The following S100Z variants were observed in gnomAD, a reference collection of about 807,000 sequenced individuals.
S100Z encodes protein S100-Z.
S100Z carries 11 observed loss-of-function variants against 8.5 expected under a neutral mutation model. The observed-to-expected ratio is 1.30, with a 90% CI of 0.82 to 2.15. The LOEUF (loss-of-function observed/expected upper bound fraction) is 2.15, where lower values mean the gene tolerates loss of function less well. Ranked by LOEUF, S100Z falls within the 30% of genes most tolerant of loss-of-function variation. S100Z has a pLI of 0.00. For missense variants in S100Z, 126 were observed against 117.9 expected, an observed-to-expected ratio of 1.07 and a Z score of -0.32; for synonymous variants, 34 against 43.8, an observed-to-expected ratio of 0.78 and a Z score of 0.89.
chr5:76,903,429 A>G (rs905755889), intron 4 of S100Z, among the ~76,000 whole-genome samples: 1 of 152,138 alleles, frequency 6.6e-6, no homozygotes, highest in Non-Finnish European at 1.5e-5. Flanking sequence ...CTTTCACTGC[A>G]TGGATGTACC....
the S100Z span, among the ~76,000 whole-genome samples, chr5:76,943,483 C>A: frequency 6.6e-6 from 1 of 152,102 alleles, no homozygotes; most frequent in African/African-American, 2.4e-5. Flanking sequence ...GTTTTAAAAC[C>A]ACGGCAGGAC....
intron 4 of S100Z, among the ~76,000 whole-genome samples, chr5:76,917,908 AG>A (rs375264100): frequency 1.3e-5 from 2 of 151,608 alleles, no homozygotes; most frequent in African/African-American, 4.8e-5. Context: ...TCAAAGTGCC[AG>A]TTTCCTGTAG....
intron 4 of S100Z, among the ~76,000 whole-genome samples, chr5:76,903,765 G>A (rs1362374779): frequency 4.2e-5 from 6 of 143,046 alleles, no homozygotes; most frequent in Admixed American, 2.1e-4. Flanking sequence ...TCACTCTGTT[G>A]CCCAGGCTGG....
chr5:76,934,752 G>A, the S100Z span, among the ~76,000 whole-genome samples: 17 of 152,264 alleles, frequency 1.1e-4, no homozygotes, highest in Non-Finnish European at 1.9e-4. Context: ...TGAATCTGCT[G>A]GTGTCTTGAT....
At chr5:76,896,746 T>A (rs532437285) in intron 4 of S100Z, among the ~76,000 whole-genome samples, 1 of 152,356 alleles carries the variant, frequency 6.6e-6, no homozygotes, top group Non-Finnish European at 1.5e-5. Context: ...CGGGGTGAGA[T>A]AATATCTCAT....
intron 4 of S100Z, among the ~76,000 whole-genome samples, chr5:76,889,252 C>T (rs1743772422): frequency 2.0e-5 from 3 of 152,160 alleles, no homozygotes; most frequent in African/African-American, 7.2e-5. Context: ...CTCTCTGCTC[C>T]TTAAAACCAC....
chr5:76,933,800 A>G, the S100Z span, among the ~76,000 whole-genome samples: 2 of 152,218 alleles, frequency 1.3e-5, no homozygotes, highest in East Asian at 1.9e-4. Flanking sequence ...TATATTCACA[A>G]TGCTGTGGGA....
At chr5:76,914,473 T>G (rs1383824637) in intron 4 of S100Z, among the ~76,000 whole-genome samples, 2 of 151,726 alleles carry the variant, frequency 1.3e-5, no homozygotes, top group Non-Finnish European at 2.9e-5. Context: ...GAATAAAAGC[T>G]GGCCACCCAA....
intron 2 of S100Z, among the ~76,000 whole-genome samples, chr5:76,871,474 T>C (rs1193555205): frequency 1.3e-5 from 2 of 152,118 alleles, no homozygotes; most frequent in Non-Finnish European, 2.9e-5. Context: ...TTCAAGTCTT[T>C]AGACAACAAT....
chr5:76,897,215 G>C (rs1424755836), intron 4 of S100Z, among the ~76,000 whole-genome samples: 1 of 152,074 alleles, frequency 6.6e-6, no homozygotes, highest in African/African-American at 2.4e-5. Flanking sequence ...CACTTTGGGA[G>C]GCTGAGGTGG....
the S100Z span, among the ~76,000 whole-genome samples, chr5:76,939,521 T>C: frequency 4.0e-5 from 6 of 151,002 alleles, no homozygotes; most frequent in African/African-American, 1.5e-4. Context: ...GTTTAACTTT[T>C]TTTTTTTTTT....
At chr5:76,906,972 GTGTGTATATATATATATATATATATA>G (rs1481611063) in intron 4 of S100Z, among the ~76,000 whole-genome samples, 1 of 30,410 alleles carries the variant, frequency 3.3e-5, no homozygotes, top group African/African-American at 1.2e-4. Flanking sequence ...TCCATTGTGT[GTGTGTATATATATATATATATATATA>G]TATATATATA....
the S100Z span, among the ~76,000 whole-genome samples, chr5:76,933,893 T>C: frequency 1.3e-5 from 2 of 152,212 alleles, no homozygotes. Context: ...TTCCTATTCC[T>C]TCTTCCCCCA....
chr5:76,868,118 C>G (rs546639650), intron 1 of S100Z, among the ~76,000 whole-genome samples: 54 of 152,284 alleles, frequency 3.5e-4, no homozygotes, highest in African/African-American at 1.3e-3. Flanking sequence ...CTGACAGATT[C>G]TTTTTGAGCC....
chr5:76,943,082 C>T, the S100Z span, among the ~76,000 whole-genome samples: 30 of 152,238 alleles, frequency 2.0e-4, no homozygotes, highest in South Asian at 6.2e-4. Flanking sequence ...CATATGTATA[C>T]ATGTGCCACA....
intron 4 of S100Z, among the ~76,000 whole-genome samples, chr5:76,879,879 C>T (rs1051132678): frequency 6.6e-6 from 1 of 152,100 alleles, no homozygotes; most frequent in Non-Finnish European, 1.5e-5. Context: ...GACTTGACCA[C>T]TAGATTTGGG....
chr5:76,875,256 G>A, intron 2 of S100Z, 48 bp from the exon 3 acceptor site: 1 of 1,022,464 alleles, frequency 9.8e-7, no homozygotes, highest in South Asian at 1.7e-5. Flanking sequence ...GTAATATTCT[G>A]TTTTAATGAA....
chr5:76,914,789 G>T (rs189900118), intron 4 of S100Z, among the ~76,000 whole-genome samples: 3 of 152,030 alleles, frequency 2.0e-5, no homozygotes, highest in Admixed American at 2.0e-4. Flanking sequence ...AACTCCTGAC[G>T]CACCACCTTT....
chr5:76,949,399 T>A, the S100Z span, among the ~76,000 whole-genome samples: 4 of 149,960 alleles, frequency 2.7e-5, no homozygotes, highest in Non-Finnish European at 5.9e-5. Context: ...AAAAAAAAAA[T>A]AATGAAAAAA....
Sources: allele counts gnomAD v4.1 joint callset (sites outside exome capture counted in the v4.1 genomes callset), GRCh38; gene constraint gnomAD v4.1.1; transcripts MANE v1.5; gene names NCBI Gene and HGNC (gene_info 2026-07-23, HGNC 2026-07-21).